The following DOCK7 variants were observed in gnomAD, a reference collection of about 807,000 sequenced individuals.
The protein encoded by DOCK7 is dedicator of cytokinesis protein 7.
A neutral mutation model predicts 271.0 loss-of-function variants in DOCK7; 138 were observed. That is an observed-to-expected ratio of 0.51 (90% CI 0.44 to 0.59). DOCK7 has a LOEUF of 0.59. Ranked by LOEUF, DOCK7 falls within the 20% of genes least tolerant of loss-of-function variation. The pLI is 0.00. For missense variants in DOCK7, 2,066 were observed against 2,592.4 expected, an observed-to-expected ratio of 0.80 and a Z score of 4.41; for synonymous variants, 823 against 876.1, an observed-to-expected ratio of 0.94 and a Z score of 1.07.
intron 7 of DOCK7, among the ~76,000 whole-genome samples, 175 bp from the exon 8 acceptor site, chr1:62,636,778 C>T (rs777746963): frequency 2.6e-5 from 4 of 152,138 alleles, no homozygotes; most frequent in Non-Finnish European, 1.5e-5. Flanking sequence ...CGTTCAGAGT[C>T]TAAATCAACC....
At chr1:62,570,748 A>T (rs777338369) in intron 18 of DOCK7, among the ~76,000 whole-genome samples, 5 of 152,094 alleles carry the variant, frequency 3.3e-5, no homozygotes, top group Non-Finnish European at 5.9e-5. Flanking sequence ...TAGAAATAAG[A>T]CCAAACACCT....
intron 8 of DOCK7, 152 bp downstream of exon 8, chr1:62,636,385 T>C (rs958355842): frequency 1.7e-6 from 1 of 593,192 alleles, no homozygotes; most frequent in Non-Finnish European, 2.9e-6. Flanking sequence ...TATAAGAAAA[T>C]ATTTAACTAG....
chr1:62,538,391 T>C (rs1645419391), intron 27 of DOCK7, among the ~76,000 whole-genome samples: 1 of 152,242 alleles, frequency 6.6e-6, no homozygotes, highest in East Asian at 1.9e-4. Flanking sequence ...AAAGAAATTA[T>C]CAATTCTTTT....
intron 48 of DOCK7, 25 bp from the exon 49 acceptor site, chr1:62,457,730 GAT>G (rs1425603304): frequency 6.8e-6 from 11 of 1,606,100 alleles, no homozygotes; most frequent in Non-Finnish European, 8.5e-6. Context: ...ATGTTATCAA[GAT>G]ATTACTTCTG....
At chr1:62,686,615 G>GTA (rs1661779798) in intron 1 of DOCK7, among the ~76,000 whole-genome samples, 1 of 152,146 alleles carries the variant, frequency 6.6e-6, no homozygotes, top group African/African-American at 2.4e-5. Flanking sequence ...ATGACAGGTA[G>GTA]TATAGGCCCT....
At chr1:62,528,394 C>G in intron 30 of DOCK7, 89 bp from the exon 31 acceptor site, 1 of 1,226,732 alleles carries the variant, frequency 8.2e-7, no homozygotes, top group Non-Finnish European at 1.1e-6. Flanking sequence ...AAAAGAATAA[C>G]TTGTTGACAT....
chr1:62,596,902 A>T (rs1033896939), intron 14 of DOCK7, among the ~76,000 whole-genome samples: 1 of 152,142 alleles, frequency 6.6e-6, no homozygotes, highest in Admixed American at 6.6e-5. Context: ...GACACTTACT[A>T]TATATGGGAT....
intron 18 of DOCK7, among the ~76,000 whole-genome samples, chr1:62,562,899 C>T (rs918674087): frequency 1.3e-5 from 2 of 152,218 alleles, no homozygotes; most frequent in South Asian, 2.1e-4. Flanking sequence ...GCCCCACTCT[C>T]GCCTCCCTAC....
intron 7 of DOCK7, chr1:62,641,632 C>G: frequency 2.2e-6 from 1 of 463,038 alleles, no homozygotes; most frequent in South Asian, 1.6e-5. Context: ...TCACCACCTT[C>G]CAGCCCAGCA....
chr1:62,611,147 A>C (rs115635436), intron 14 of DOCK7, among the ~76,000 whole-genome samples: 117 of 152,358 alleles, frequency 7.7e-4, no homozygotes, highest in African/African-American at 2.7e-3. Flanking sequence ...AAAATACAAT[A>C]GTTTTTTAAC....
At chr1:62,477,334 C>G (rs891332183) in intron 44 of DOCK7, among the ~76,000 whole-genome samples, 2 of 152,116 alleles carry the variant, frequency 1.3e-5, no homozygotes, top group Non-Finnish European at 2.9e-5. Flanking sequence ...ATGCTTGGGT[C>G]AGAAATTTCT....
intron 31 of DOCK7, among the ~76,000 whole-genome samples, chr1:62,515,431 T>C (rs778851472): frequency 1.5e-4 from 23 of 152,262 alleles, no homozygotes; most frequent in Non-Finnish European, 2.9e-4. Flanking sequence ...ACACTTTTTA[T>C]AGCCGAACTT....
chr1:62,477,325 T>C (rs1645995872), intron 44 of DOCK7, among the ~76,000 whole-genome samples: 1 of 152,186 alleles, frequency 6.6e-6, no homozygotes, highest in Non-Finnish European at 1.5e-5. Flanking sequence ...AGAGATAATA[T>C]GCTTGGGTCA....
At chr1:62,606,167 GA>G (rs1368064761) in intron 14 of DOCK7, 3 of 151,706 alleles carry the variant, frequency 2.0e-5, no homozygotes, top group African/African-American at 7.3e-5. Context: ...TAATTTTCAG[GA>G]CCACAGACTA....
chr1:62,666,783 C>T (rs1659373288), intron 1 of DOCK7, among the ~76,000 whole-genome samples: 1 of 152,096 alleles, frequency 6.6e-6, no homozygotes, highest in Non-Finnish European at 1.5e-5. Flanking sequence ...TCTAATGAAC[C>T]ATTAATATTA....
At position 62,504,705 on chromosome 1, in the gene DOCK7, A is replaced by G. The variant is rs781599654; in HGVS notation, c.4689T>C (p.Ser1563=). The change falls in exon 37 of 50, where the codon AGT becomes AGC. Residue 1563 remains serine, a synonymous_variant. Coordinates refer to ENST00000635253, the MANE Select transcript of DOCK7 (RefSeq NM_001367561.1). ...CGTGTGACCGTATTGTACCGATGCT[A>G]CTGCTACAGTGTCGGAGAAGCCTGA... ...LCLRLLRHCS[S]SIGTIRSHAS... 5.0e-6 allele frequency: 8 copies of G among 1,614,152 alleles called. No homozygotes were observed. Among genetic ancestry groups the G allele is most frequent in the Non-Finnish European group, 6.8e-6 (8 of 1,180,020 alleles).
At chr1:62,661,931 A>G (rs747081109) in intron 2 of DOCK7, among the ~76,000 whole-genome samples, 36 of 152,200 alleles carry the variant, frequency 2.4e-4, no homozygotes, top group Non-Finnish European at 3.4e-4. Flanking sequence ...GATTATCTCC[A>G]TGTACATTGA....
At chr1:62,605,880 A>C (rs1412386050) in intron 14 of DOCK7, 1 of 152,042 alleles carries the variant, frequency 6.6e-6, no homozygotes, top group Non-Finnish European at 1.5e-5. Flanking sequence ...ATTTTTTACC[A>C]CAGTATCACT....
Position 62,688,337 on chromosome 1 carries a change from T to C in DOCK7, c.-73A>G. 9.9e-7 allele frequency: 1 copy of C among 1,009,886 alleles called. No individual in the cohort carries two copies. Among genetic ancestry groups the C allele is most frequent in the Non-Finnish European group, 1.2e-6 (1 of 802,520 alleles). 62.6% of individuals were successfully genotyped at this position (1,009,886 alleles called of 1,614,324 possible). ...TGCGGACCGGCGGGCGCGTGCCTCC[T>C]CGCTCGTGCTCCCTCCCTCGCGGCC... On this transcript the variant is annotated 5_prime_UTR_variant, in exon 1 of 50. Transcript: ENST00000635253.
Sources: allele counts gnomAD v4.1 joint callset (sites outside exome capture counted in the v4.1 genomes callset), GRCh38; gene constraint gnomAD v4.1.1; transcripts MANE v1.5; gene names NCBI Gene and HGNC (gene_info 2026-07-23, HGNC 2026-07-21).